The following NUP98 variants were observed in gnomAD, a reference collection of about 807,000 sequenced individuals.
NUP98 encodes the protein nucleoporin 98 and 96 precursor, also known as nuclear pore complex protein Nup98-Nup96.
NUP98 carries 26 observed loss-of-function variants against 191.9 expected under a neutral mutation model. The ratio of observed to expected loss-of-function variants is 0.14; its 90% CI spans 0.10 to 0.19. The LOEUF is 0.19. Ranked by LOEUF, NUP98 falls within the 10% of genes least tolerant of loss-of-function variation. The probability of loss-of-function intolerance (pLI) is 1.00; values close to 1 mark genes in which losing one functional copy is unlikely to be tolerated. For missense variants in NUP98, 1,941 were observed against 2,178.8 expected (o/e 0.89, Z 2.17); for synonymous variants, 808 against 778.4 (o/e 1.04, Z -0.63).
At chr11:3,719,294 A>T in intron 18 of NUP98, 118 bp downstream of exon 18, 2 of 701,982 alleles carry the variant, frequency 2.8e-6, no homozygotes, top group Non-Finnish European at 2.3e-6. Flanking sequence ...AGAGACAATA[A>T]ATGTACTCTA....
At chr11:3,682,569 AC>A (rs1336946290) in intron 30 of NUP98, among the ~76,000 whole-genome samples, 3 of 152,218 alleles carry the variant, frequency 2.0e-5, no homozygotes, top group African/African-American at 7.2e-5. Context: ...CAGAATATGC[AC>A]ATTTATCAAC....
In NUP98 at chr11:3,691,328, A is replaced by G; in HGVS notation, c.4454+19T>C. On this transcript the variant is annotated intron_variant, in intron 28 of 32. Transcript: ENST00000324932. ...CTCATGGAGCACTCAAGTGACAATA[A>G]AGCCTGGCTCTCATTTACCTGTCAC... 1 of 1,613,928 alleles carries G rather than the reference A, an allele frequency of 6.2e-7. No homozygotes were observed. The highest frequency in any genetic ancestry group is 8.5e-7 in the Non-Finnish European group (1 of 1,179,986).
Position 3,753,362 on chromosome 11 carries a change from T to C in NUP98, c.1221A>G (p.Pro407=), listed in dbSNP as rs1292238386. The part of the protein sequence containing the change: ...TSGNSIFGSK[P]APGTLGTGLG... ...GCCCAGTTCCAAGAGTCCCAGGTGCTGGTTTACTTCCAAAAATACTATTCC... is the reference window on the plus strand; with the variant it reads ...GCCCAGTTCCAAGAGTCCCAGGTGCCGGTTTACTTCCAAAAATACTATTCC... The change falls in exon 11 of 33, where the codon CCA becomes CCG. Residue 407 remains proline, a synonymous_variant. Coordinates refer to ENST00000324932, the MANE Select transcript of NUP98 (RefSeq NM_016320.5). 1 of 1,614,092 alleles carries C rather than the reference T, an allele frequency of 6.2e-7. No individual in the cohort carries two copies. Among genetic ancestry groups the C allele is most frequent in the Admixed American group, 1.7e-5 (1 of 60,000 alleles).
chr11:3,712,240 T>C, intron 20 of NUP98: 1 of 1,116,346 alleles, frequency 9.0e-7, no homozygotes, highest in Non-Finnish European at 1.1e-6. Context: ...GAATTTACTG[T>C]GCATGAACCC....
chr11:3,776,720 T>C (rs1248570284), intron 4 of NUP98, among the ~76,000 whole-genome samples: 2 of 151,592 alleles, frequency 1.3e-5, no homozygotes, highest in Admixed American at 6.6e-5. Context: ...TCTCGATCTC[T>C]TGACCTCATG....
chr11:3,788,572 C>T (rs1235667848), intron 1 of NUP98, among the ~76,000 whole-genome samples: 3 of 151,870 alleles, frequency 2.0e-5, no homozygotes, highest in Non-Finnish European at 4.4e-5. Flanking sequence ...GCCTGGGTGA[C>T]AAGAGTGAAA....
At chr11:3,711,653 A>G (rs1259298978) in intron 20 of NUP98, 1 of 184,842 alleles carries the variant, frequency 5.4e-6, no homozygotes, top group Non-Finnish European at 1.1e-5. Flanking sequence ...GACAAAATGA[A>G]TATGGATAAC....
intron 1 of NUP98, among the ~76,000 whole-genome samples, chr11:3,785,270 C>T (rs2082104377): frequency 6.6e-6 from 1 of 152,012 alleles, no homozygotes; most frequent in Admixed American, 6.6e-5. Context: ...ACTGTAATCA[C>T]TTCACGGCAA....
At chr11:3,696,728 T>C (rs967520044) in intron 25 of NUP98, 1 of 152,298 alleles carries the variant, frequency 6.6e-6, no homozygotes, top group Non-Finnish European at 1.5e-5. Flanking sequence ...GAGAATCGCT[T>C]GAACCCAGGA....
intron 20 of NUP98, chr11:3,711,863 A>G: frequency 9.7e-7 from 1 of 1,034,568 alleles, no homozygotes; most frequent in East Asian, 6.0e-5. Flanking sequence ...TTAATAAATC[A>G]TAAAAACCAC....
chr11:3,763,639 C>A (rs938105019), intron 8 of NUP98, among the ~76,000 whole-genome samples: 1 of 152,132 alleles, frequency 6.6e-6, no homozygotes, highest in Admixed American at 6.6e-5. Flanking sequence ...CTCACTGCAG[C>A]CTCTGTTCAA....
In NUP98 at chr11:3,761,036, AATGCT is replaced by A. The variant is rs1260083232; in HGVS notation, c.1087-415_1087-411del. Reference sequence around the variant, plus strand: ...ACATGCTACATGGATGTTCCTTGAAAATGCTATGCTAAGTGAAAGACATCAATCAC... The same window carrying A: ...ACATGCTACATGGATGTTCCTTGAAAATGCTAAGTGAAAGACATCAATCAC... On this transcript the variant is annotated intron_variant, in intron 9 of 32. Coordinates refer to ENST00000324932, the MANE Select transcript of NUP98 (RefSeq NM_016320.5). Among the ~76,000 whole-genome samples, 10 of 152,354 alleles carry A rather than the reference AATGCT, an allele frequency of 6.6e-5. No homozygotes were observed. The East Asian group carries it at 1.7e-3, about 26-fold the overall frequency.
At chr11:3,762,238 T>G (rs1356950648) in intron 9 of NUP98, among the ~76,000 whole-genome samples, 1 of 151,764 alleles carries the variant, frequency 6.6e-6, no homozygotes, top group African/African-American at 2.4e-5. Flanking sequence ...GCATCTCAAG[T>G]AGCTGGTATT....
intron 13 of NUP98, among the ~76,000 whole-genome samples, chr11:3,732,693 G>A (rs1231296930): frequency 6.6e-6 from 1 of 152,196 alleles, no homozygotes; most frequent in East Asian, 1.9e-4. Context: ...AAATTTCAGG[G>A]TGCTTCAGAT....
chr11:3,727,538 A>C (rs1485444926), intron 14 of NUP98, among the ~76,000 whole-genome samples: 2 of 152,156 alleles, frequency 1.3e-5, no homozygotes, highest in African/African-American at 2.4e-5. Flanking sequence ...CATTGGACTG[A>C]AACATAGCAA....
intron 1 of NUP98, among the ~76,000 whole-genome samples, chr11:3,794,889 A>C (rs1000090952): frequency 1.3e-5 from 2 of 152,212 alleles, no homozygotes; most frequent in Non-Finnish European, 2.9e-5. Context: ...CTGGGATTAC[A>C]GTAGTCAGTC....
chr11:3,759,259 C>T (rs2081081877), intron 10 of NUP98, among the ~76,000 whole-genome samples: 1 of 152,160 alleles, frequency 6.6e-6, no homozygotes. Flanking sequence ...TCTGATCTGA[C>T]AGATGCTGAA....
At chr11:3,701,889 G>A (rs757600084) in intron 23 of NUP98, among the ~76,000 whole-genome samples, 41 of 151,542 alleles carry the variant, frequency 2.7e-4, no homozygotes, top group Non-Finnish European at 4.4e-4. Flanking sequence ...GAGTTTCACC[G>A]TGTTAGCCAG....
Position 3,688,898 on chromosome 11 carries a change from GA to G in NUP98, c.4454+2448del, listed in dbSNP as rs1240009819. On this transcript the variant is annotated intron_variant, in intron 28 of 32. Coordinates refer to ENST00000324932, the MANE Select transcript of NUP98 (RefSeq NM_016320.5). ...GAGATGAGCTATTTGTGTGACTAGAGAAAAAAAAAACAAAAACTGTAAGTAT... is the reference window on the plus strand; with the variant it reads ...GAGATGAGCTATTTGTGTGACTAGAGAAAAAAAAACAAAAACTGTAAGTAT... Among the ~76,000 whole-genome samples, 32 of 140,570 alleles carry G rather than the reference GA, an allele frequency of 2.3e-4. No individual in the cohort carries two copies. In the East Asian group the frequency reaches 3.6e-3, roughly 16 times the overall value. 92.2% of individuals were successfully genotyped at this position (140,570 alleles called of 152,430 possible).
Sources: gnomAD v4.1 joint callset for allele counts (sites outside exome capture counted in the v4.1 genomes callset) on GRCh38, gnomAD v4.1.1 for gene constraint, MANE v1.5 for transcripts, NCBI Gene and HGNC (gene_info 2026-07-23, HGNC 2026-07-21) for gene names.